Variants in ANK3 observed in about 807,000 individuals in gnomAD.
ANK3 encodes ankyrin 3, also known as ankyrin-3.
A neutral mutation model predicts 370.9 loss-of-function variants in ANK3; 57 were observed. The observed-to-expected ratio is 0.15, with a 90% CI of 0.12 to 0.19. ANK3 has a LOEUF of 0.19. ANK3 is among the 10% of genes least tolerant of loss of function. The probability of loss-of-function intolerance (pLI) is 1.00; values close to 1 mark genes in which losing one functional copy is unlikely to be tolerated. For missense variants in ANK3, 4,439 were observed against 5,302.1 expected (o/e 0.84, Z 5.06); for synonymous variants, 1,929 against 1,946.3 (o/e 0.99, Z 0.23).
chr10:60,487,729 T>A (rs2075385843), intron 2 of ANK3, among the ~76,000 whole-genome samples: 1 of 151,850 alleles, frequency 6.6e-6, no homozygotes, highest in Non-Finnish European at 1.5e-5. Flanking sequence ...CATTTTTTTT[T>A]TTGAGACAGA....
chr10:60,622,923 G>A (rs1034518460), intron 1 of ANK3, among the ~76,000 whole-genome samples: 1 of 152,170 alleles, frequency 6.6e-6, no homozygotes, highest in Non-Finnish European at 1.5e-5. Context: ...CAATGCTAGT[G>A]TTTACGTGCT....
intron 23 of ANK3, among the ~76,000 whole-genome samples, chr10:60,165,480 CCT>C: frequency 6.6e-6 from 1 of 152,282 alleles, no homozygotes; most frequent in South Asian, 2.1e-4. Context: ...TCAGCCAGAT[CCT>C]CCGAGGTCCC....
intron 2 of ANK3, among the ~76,000 whole-genome samples, chr10:60,595,595 C>T (rs760372398): frequency 5.9e-5 from 9 of 152,112 alleles, no homozygotes; most frequent in South Asian, 4.1e-4. Context: ...AGAAATCTTG[C>T]GGTCTCTGGC....
At chr10:60,588,071 T>C (rs2077856709) in intron 2 of ANK3, among the ~76,000 whole-genome samples, 1 of 152,046 alleles carries the variant, frequency 6.6e-6, no homozygotes, top group South Asian at 2.1e-4. Flanking sequence ...CTAGACAGCA[T>C]GTGTTTCTAC....
chr10:60,580,447 T>G lies in ANK3; in HGVS notation c.96+34739A>C, dbSNP rs915676475. The stretch of plus-strand genomic sequence containing the variant: ...ACCTACCACTGCTATTATAAACATA[T>G]TCAAATTTTGCCCTTTTCTAACCAC... On this transcript the variant is annotated intron_variant, in intron 2 of 43. Coordinates refer to the ANK3 transcript ENST00000373827. Among the ~76,000 whole-genome samples the G allele has an allele frequency of 4.6e-5, 7 of 152,198 alleles. No homozygotes were observed. The East Asian group carries it at 1.3e-3, about 29-fold the overall frequency.
At chr10:60,658,803 T>C (rs556305039) in intron 1 of ANK3, among the ~76,000 whole-genome samples, 3 of 151,650 alleles carry the variant, frequency 2.0e-5, no homozygotes, top group South Asian at 4.2e-4. Flanking sequence ...TAATAGGCAG[T>C]TGACTGGCCT....
rs1389593949 is a variant in ANK3 at position 60,059,324 on chromosome 10, T to G, written c.12686+16A>C. 6.2e-7 allele frequency: 1 copy of G among 1,610,338 alleles called. No individual in the cohort carries two copies. Among genetic ancestry groups the G allele is most frequent in the Admixed American group, 1.7e-5 (1 of 60,010 alleles). On this transcript the variant is annotated intron_variant, in intron 41 of 43. Transcript: ENST00000280772. Reference sequence around the variant, plus strand: ...AGTAACCTGTGTTCACTTTCCTTTTTTTGAAACAGCCATACCTGTCATCCA... The same window carrying G: ...AGTAACCTGTGTTCACTTTCCTTTTGTTGAAACAGCCATACCTGTCATCCA...
At chr10:60,198,616 G>T in intron 13 of ANK3, 79 bp from the exon 14 acceptor site, 1 of 1,304,712 alleles carries the variant, frequency 7.7e-7, no homozygotes, top group Non-Finnish European at 1.1e-6. Flanking sequence ...GGGAATATTA[G>T]CTGCTTGATG....
intron 1 of ANK3, among the ~76,000 whole-genome samples, chr10:60,388,113 T>C (rs949632511): frequency 2.0e-5 from 3 of 152,212 alleles, no homozygotes; most frequent in African/African-American, 7.2e-5. Context: ...AACTGTGCTG[T>C]GCAAGGCTTT....
chr10:60,660,636 G>A (rs1324425054), intron 1 of ANK3, among the ~76,000 whole-genome samples: 1 of 152,004 alleles, frequency 6.6e-6, no homozygotes, highest in Non-Finnish European at 1.5e-5. Context: ...TGAGGATTAT[G>A]GCAGAAATGC....
chr10:60,361,481 G>T (rs7083624), intron 1 of ANK3, among the ~76,000 whole-genome samples: 3 of 152,122 alleles, frequency 2.0e-5, no homozygotes, highest in East Asian at 3.9e-4. Flanking sequence ...TTAATTTTCG[G>T]TTTAACTCAA....
intron 25 of ANK3, among the ~76,000 whole-genome samples, chr10:60,118,853 C>A (rs995509445): frequency 1.3e-5 from 2 of 152,080 alleles, no homozygotes; most frequent in Non-Finnish European, 2.9e-5. Flanking sequence ...ATTATTGAAA[C>A]AATGAATTAT....
At chr10:60,381,227 T>G (rs1280175268) in intron 1 of ANK3, among the ~76,000 whole-genome samples, 1 of 152,130 alleles carries the variant, frequency 6.6e-6, no homozygotes, top group Admixed American at 6.6e-5. Context: ...TTTTTTTTCC[T>G]TTTTCAACAT....
At position 60,182,183 on chromosome 10, in the gene ANK3, T is replaced by G. The variant is rs144936227; in HGVS notation, c.2086-756A>C. On this transcript the variant is annotated intron_variant, in intron 17 of 43. Coordinates refer to ENST00000280772, the MANE Select transcript of ANK3 (RefSeq NM_020987.5). ...TGATATCTGTTTACAAAGTGAACACTGACATATGCTGATAATATTTTCTCC... is the reference window on the plus strand; with the variant it reads ...TGATATCTGTTTACAAAGTGAACACGGACATATGCTGATAATATTTTCTCC... Among the ~76,000 whole-genome samples the G allele has an allele frequency of 8.0e-3, 1,223 of 152,258 alleles. 12 individuals carry two copies. Among genetic ancestry groups the G allele is most frequent in the African/African-American group, 0.028 (1,175 of 41,534 alleles).
In ANK3 at chr10:60,267,732, G is replaced by A. The variant is rs2097902740; in HGVS notation, c.513+2399C>T. Reference sequence around the variant, plus strand: ...AATTGGGGTTATGTTTGCTTCTAAAGGAGAGATACTTAGTGATCCGTACAT... The same window carrying A: ...AATTGGGGTTATGTTTGCTTCTAAAAGAGAGATACTTAGTGATCCGTACAT... On this transcript the variant is annotated intron_variant, in intron 5 of 43. Coordinates refer to ENST00000280772, the MANE Select transcript of ANK3 (RefSeq NM_020987.5). Among the ~76,000 whole-genome samples, 3 of 152,104 alleles carry A rather than the reference G, an allele frequency of 2.0e-5. No homozygotes were observed. The South Asian group carries it at 6.2e-4, about 32-fold the overall frequency.
intron 2 of ANK3, among the ~76,000 whole-genome samples, chr10:60,498,248 A>G (rs1432740089): frequency 6.6e-6 from 1 of 152,222 alleles, no homozygotes; most frequent in Non-Finnish European, 1.5e-5. Context: ...AAAACAAAAC[A>G]AAACAAAAAC....
At chr10:60,471,264 G>A (rs1409367604) in intron 2 of ANK3, among the ~76,000 whole-genome samples, 2 of 152,088 alleles carry the variant, frequency 1.3e-5, no homozygotes, top group African/African-American at 4.8e-5. Flanking sequence ...CTTGCGCATA[G>A]TCCCAGAAAA....
At chr10:60,632,004 C>T (rs1048627263) in intron 1 of ANK3, among the ~76,000 whole-genome samples, 3 of 152,060 alleles carry the variant, frequency 2.0e-5, no homozygotes, top group African/African-American at 7.2e-5. Flanking sequence ...TAGTCTCAGC[C>T]AAGGAATGCA....
intron 2 of ANK3, among the ~76,000 whole-genome samples, chr10:60,523,262 T>A: frequency 6.6e-6 from 1 of 151,986 alleles, no homozygotes; most frequent in East Asian, 1.9e-4. Flanking sequence ...TATTATACTT[T>A]AAGTTTTAGG....
Sources: gnomAD v4.1 joint callset for allele counts (sites outside exome capture counted in the v4.1 genomes callset) on GRCh38, gnomAD v4.1.1 for gene constraint, MANE v1.5 for transcripts, NCBI Gene and HGNC (gene_info 2026-07-23, HGNC 2026-07-21) for gene names.